The following BLTP1 variants were observed in gnomAD, a reference collection of about 807,000 sequenced individuals.
BLTP1 encodes fragile site-associated protein.
the BLTP1 span, among the ~76,000 whole-genome samples, chr4:122,358,951 A>C: frequency 0.14 from 21,727 of 152,020 alleles, 2,449 homozygotes; most frequent in African/African-American, 0.32. Flanking sequence ...AGTCTGCTTA[A>C]ATAAAAACCT....
chr4:122,229,614 T>C, the BLTP1 span: 58 of 534,926 alleles, frequency 1.1e-4, no homozygotes, highest in Non-Finnish European at 1.4e-4. Flanking sequence ...CACTCTTTTA[T>C]GGATTGTAGT....
the BLTP1 span, chr4:122,227,190 A>G: frequency 2.0e-6 from 2 of 1,007,326 alleles, no homozygotes; most frequent in Non-Finnish European, 2.4e-6. Context: ...AATTCTTCAC[A>G]TGACATGGTT....
chr4:122,321,979 A>ATTTTTTTTTT, the BLTP1 span, among the ~76,000 whole-genome samples: 14 of 27,018 alleles, frequency 5.2e-4, no homozygotes, highest in African/African-American at 8.6e-4. Flanking sequence ...ACTACATGTA[A>ATTTTTTTTTT]TTTTTTTTTT....
chr4:122,331,661 T>C, the BLTP1 span: 1 of 1,436,458 alleles, frequency 7.0e-7, no homozygotes, highest in South Asian at 1.5e-5. Context: ...GTAAATGTAA[T>C]TATAGTTATA....
the BLTP1 span, chr4:122,152,371 C>T: frequency 0.021 from 20,452 of 985,870 alleles, 253 homozygotes; most frequent in Non-Finnish European, 0.023. Flanking sequence ...TCCCCTCCTC[C>T]TCCGCCCCCT....
the BLTP1 span, among the ~76,000 whole-genome samples, chr4:122,194,970 A>G: frequency 6.6e-6 from 1 of 152,178 alleles, no homozygotes; most frequent in African/African-American, 2.4e-5. Context: ...TGTGAGCAAT[A>G]TTTGTCTCCT....
the BLTP1 span, chr4:122,250,152 A>G: frequency 5.4e-6 from 2 of 367,746 alleles, no homozygotes; most frequent in South Asian, 2.2e-4. Context: ...GTTTAGTAAT[A>G]TATAATATAG....
At chr4:122,247,060 GTGTTT>G in the BLTP1 span, 1 of 1,393,644 alleles carries the variant, frequency 7.2e-7, no homozygotes, top group African/African-American at 1.5e-5. Flanking sequence ...TAATAGTAGA[GTGTTT>G]TGTTTTTTTT....
the BLTP1 span, chr4:122,279,843 A>G: frequency 2.5e-6 from 4 of 1,614,136 alleles, no homozygotes; most frequent in South Asian, 2.2e-5. Context: ...CTGAAGACAA[A>G]CAATGCTGCT....
chr4:122,242,840 T>C, the BLTP1 span: 1 of 180,456 alleles, frequency 5.5e-6, no homozygotes, highest in East Asian at 1.9e-4. Context: ...AAACTGCCAA[T>C]TGAATATATT....
chr4:122,335,764 TAA>T, the BLTP1 span, among the ~76,000 whole-genome samples: 2 of 152,076 alleles, frequency 1.3e-5, no homozygotes, highest in African/African-American at 4.8e-5. Flanking sequence ...TTTAGTTAGG[TAA>T]AAGGAAAGAG....
the BLTP1 span, among the ~76,000 whole-genome samples, chr4:122,159,206 G>C: frequency 2.9e-4 from 44 of 152,280 alleles, no homozygotes; most frequent in African/African-American, 1.0e-3. Flanking sequence ...GCTCATGCCT[G>C]TAATCCCAGC....
At chr4:122,308,673 C>A in the BLTP1 span, among the ~76,000 whole-genome samples, 1 of 151,950 alleles carries the variant, frequency 6.6e-6, no homozygotes, top group East Asian at 1.9e-4. Context: ...GACCAATTTT[C>A]AGGAATATGT....
the BLTP1 span, chr4:122,328,697 G>C: frequency 1.0e-6 from 1 of 983,022 alleles, no homozygotes; most frequent in Non-Finnish European, 1.2e-6. Flanking sequence ...GCAGCAAGGA[G>C]ATATGTAATA....
At chr4:122,224,595 C>T in the BLTP1 span, 7 of 1,613,970 alleles carry the variant, frequency 4.3e-6, no homozygotes, top group African/African-American at 4.0e-5. Context: ...GAAGGTCTTC[C>T]TTTGGGAAGC....
the BLTP1 span, chr4:122,273,488 T>A: frequency 2.0e-4 from 156 of 780,392 alleles, no homozygotes; most frequent in South Asian, 4.5e-3. Context: ...AGTTGATATT[T>A]AAAAAAAAAA....
chr4:122,194,395 A>C, the BLTP1 span: 8,611 of 277,194 alleles, frequency 0.031, 782 homozygotes, highest in African/African-American at 0.18. Context: ...CAGAGCATAA[A>C]ATTTCACGTT....
chr4:122,343,961 T>C, the BLTP1 span: 1 of 912,066 alleles, frequency 1.1e-6, no homozygotes, highest in Non-Finnish European at 1.3e-6. Context: ...TTAAAGTGCA[T>C]GGGTCACAAT....
the BLTP1 span, chr4:122,305,106 T>C: frequency 7.8e-7 from 1 of 1,278,198 alleles, no homozygotes; most frequent in Non-Finnish European, 1.0e-6. Context: ...CTAAAGTTTC[T>C]GATTATAAAT....
Sources: gnomAD v4.1 joint callset for allele counts (sites outside exome capture counted in the v4.1 genomes callset) on GRCh38, gnomAD v4.1.1 for gene constraint, MANE v1.5 for transcripts, NCBI Gene and HGNC (gene_info 2026-07-23, HGNC 2026-07-21) for gene names.